Variants in KIAA1755 observed in about 807,000 individuals in gnomAD.
KIAA1755 encodes the protein uncharacterized protein KIAA1755.
Under a neutral mutation model 91.7 loss-of-function variants are expected in KIAA1755, and 68 were observed. The observed-to-expected ratio is 0.74, with a 90% CI of 0.61 to 0.91. The LOEUF is 0.91. KIAA1755 is among the 40% of genes least tolerant of loss of function. The probability of loss-of-function intolerance (pLI) is 0.00; values close to 1 mark genes in which losing one functional copy is unlikely to be tolerated. For missense variants in KIAA1755, 1,535 were observed against 1,494.4 expected (o/e 1.03, Z -0.45); for synonymous variants, 610 against 604.6 (o/e 1.01, Z -0.13).
intron 1 of KIAA1755, 108 bp downstream of exon 1, chr20:38,260,390 T>C (rs2076427509): frequency 1.9e-6 from 3 of 1,602,104 alleles, no homozygotes; most frequent in Non-Finnish European, 2.6e-6. Flanking sequence ...CTGAGGGTCG[T>C]CTCAGTGTAA....
chr20:38,231,655 G>A (rs2075866470), intron 4 of KIAA1755, among the ~76,000 whole-genome samples: 1 of 152,148 alleles, frequency 6.6e-6, no homozygotes, highest in South Asian at 2.1e-4. Flanking sequence ...TGTGTCTGTG[G>A]GCAAGTCAGT....
intron 1 of KIAA1755, 109 bp downstream of exon 1, chr20:38,260,389 G>T (rs1321395733): frequency 6.2e-7 from 1 of 1,601,932 alleles, no homozygotes; most frequent in Admixed American, 1.7e-5. Context: ...ACTGAGGGTC[G>T]TCTCAGTGTA....
intron 4 of KIAA1755, among the ~76,000 whole-genome samples, chr20:38,239,120 G>A (rs191941836): frequency 2.0e-4 from 31 of 152,310 alleles, no homozygotes; most frequent in African/African-American, 7.0e-4. Flanking sequence ...GGCGGGTCAT[G>A]CCCCAGTGCT....
chr20:38,219,735 G>A lies in KIAA1755; in HGVS notation c.2451C>T (p.Ser817=), dbSNP rs756553161. The change falls in exon 11 of 14, where the codon AGC becomes AGT. Residue 817 remains serine, a synonymous_variant. Coordinates refer to ENST00000279024, the MANE Select transcript of KIAA1755 (RefSeq NM_001029864.2). Reference sequence around the variant, plus strand: ...GAACATGAAGCTGCTCGTCCACAAGGCTGTACAAGGCAGTGGCTGCAGCCA... The same window carrying A: ...GAACATGAAGCTGCTCGTCCACAAGACTGTACAAGGCAGTGGCTGCAGCCA... The part of the protein sequence containing the change: ...SHLAAATALY[S]LVDEQLHVLV... 1.9e-6 allele frequency: 3 copies of A among 1,614,184 alleles called. No homozygotes were observed. The highest frequency in any genetic ancestry group is 4.5e-5 in the East Asian group (2 of 44,886).
At position 38,260,307 on chromosome 20, in the gene KIAA1755, G is replaced by C. The variant is rs761695510; in HGVS notation, c.3+191C>G. On this transcript the variant is annotated intron_variant, in intron 1 of 13. Transcript: ENST00000279024. ...ACACATGGAGAAGCCAGGAGAGGAC[G>C]CGGCCAGAGATGGGCTCCTGCCCTT... 6 of 1,551,352 alleles carry C rather than the reference G, an allele frequency of 3.9e-6. No homozygotes were observed. The African/African-American group carries it at 8.2e-5, about 21-fold the overall frequency.
At chr20:38,257,238 T>A (rs184466750) in intron 1 of KIAA1755, among the ~76,000 whole-genome samples, 1 of 152,180 alleles carries the variant, frequency 6.6e-6, no homozygotes. Flanking sequence ...AGTAGGGAAC[T>A]GGGGTGGGGT....
intron 1 of KIAA1755, among the ~76,000 whole-genome samples, chr20:38,247,154 G>A (rs2076173884): frequency 6.6e-6 from 1 of 152,136 alleles, no homozygotes; most frequent in South Asian, 2.1e-4. Context: ...TTTTCCACCA[G>A]GACCCCAGAG....
intron 2 of KIAA1755, among the ~76,000 whole-genome samples, chr20:38,243,207 A>G (rs918117289): frequency 2.5e-4 from 38 of 152,238 alleles, no homozygotes; most frequent in African/African-American, 9.2e-4. Flanking sequence ...AGAGAGTGAG[A>G]CTGAATTTCC....
intron 3 of KIAA1755, among the ~76,000 whole-genome samples, 176 bp from the exon 4 acceptor site, chr20:38,239,901 CT>C (rs1298503172): frequency 6.6e-6 from 1 of 151,970 alleles, no homozygotes; most frequent in Non-Finnish European, 1.5e-5. Flanking sequence ...CCACACCTCA[CT>C]TTTTTTTCTT....
chr20:38,219,473 C>T (rs968557545), intron 11 of KIAA1755, among the ~76,000 whole-genome samples, 157 bp downstream of exon 11: 9 of 152,340 alleles, frequency 5.9e-5, no homozygotes, highest in African/African-American at 1.7e-4. Flanking sequence ...TCATGTGCTA[C>T]GCCCCAAGGA....
intron 9 of KIAA1755, 158 bp from the exon 10 acceptor site, chr20:38,222,755 T>C (rs1443664890): frequency 3.9e-6 from 3 of 772,984 alleles, no homozygotes; most frequent in East Asian, 5.4e-5. Context: ...CCTCTAGCCA[T>C]GTCCCCTCTC....
intron 4 of KIAA1755, among the ~76,000 whole-genome samples, chr20:38,232,629 GAA>G (rs1310300076): frequency 4.2e-5 from 4 of 94,428 alleles, no homozygotes; most frequent in Non-Finnish European, 4.5e-5. Context: ...CTCTGTCTCA[GAA>G]AAAAAAAAAA....
chr20:38,242,886 G>A (rs2076093248), intron 2 of KIAA1755, among the ~76,000 whole-genome samples: 3 of 152,144 alleles, frequency 2.0e-5, no homozygotes, highest in East Asian at 1.9e-4. Flanking sequence ...ATAATAACAC[G>A]AAGGTGAAGC....
chr20:38,213,584 C>T lies in KIAA1755; in HGVS notation c.3061G>A (p.Val1021Met). 6.2e-7 allele frequency: 1 copy of T among 1,607,864 alleles called. No homozygotes were observed. Among genetic ancestry groups the T allele is most frequent in the Non-Finnish European group, 8.5e-7 (1 of 1,176,804 alleles). The change falls in exon 14 of 14, where the codon GTG becomes ATG. Residue 1021 changes from valine (V) to methionine (M), a missense_variant. Val to Met is a conservative substitution (Grantham distance 21). Coordinates refer to ENST00000279024, the MANE Select transcript of KIAA1755 (RefSeq NM_001029864.2). ...AGGCCTGCCCGGCTCAGGGAGGCCACCTGCAGCCCCACGGCTGCGAGCTTC... is the reference window on the plus strand; with the variant it reads ...AGGCCTGCCCGGCTCAGGGAGGCCATCTGCAGCCCCACGGCTGCGAGCTTC... ...AEKLAAVGLQ[V>M]ASLSRAGLGQ... is the part of the protein sequence containing the mutation.
At chr20:38,238,074 G>A (rs1419495332) in intron 4 of KIAA1755, among the ~76,000 whole-genome samples, 2 of 152,018 alleles carry the variant, frequency 1.3e-5, no homozygotes, top group Non-Finnish European at 2.9e-5. Flanking sequence ...TCCTCTCAAG[G>A]AGGCCCAGAG....
chr20:38,246,824 C>A (rs190047800), intron 1 of KIAA1755, among the ~76,000 whole-genome samples: 1 of 152,194 alleles, frequency 6.6e-6, no homozygotes, highest in East Asian at 1.9e-4. Flanking sequence ...TCGGTGATGA[C>A]CCCACCGCCC....
rs561742884 is a variant in KIAA1755 at position 38,241,794 on chromosome 20, C to T, written c.337G>A (p.Glu113Lys). 6.2e-7 allele frequency: 1 copy of T among 1,614,176 alleles called. No homozygotes were observed. The highest frequency in any genetic ancestry group is 1.7e-5 in the Admixed American group (1 of 60,022). Residue 113 changes from glutamate to lysine, a missense_variant, in exon 3 of 14, where the codon GAG becomes AAG. By Grantham distance (56) the Glu-to-Lys change is moderately conservative. Transcript: ENST00000279024. ...ATCATGATGCAGACAGACTGCTCCT[C>T]CTGGGGCTCCACTTGGAGGTAGAAG... ...GDFYLQVEPQEEQSVCIMIKC... is the reference protein window; with the variant it reads ...GDFYLQVEPQKEQSVCIMIKC...
At chr20:38,230,156 A>G (rs1328763372) in intron 5 of KIAA1755, among the ~76,000 whole-genome samples, 1 of 152,150 alleles carries the variant, frequency 6.6e-6, no homozygotes, top group Non-Finnish European at 1.5e-5. Flanking sequence ...CAGCCAGTCC[A>G]TTAAGTCTGA....
chr20:38,225,752 G>A lies in KIAA1755; in HGVS notation c.2082C>T (p.Leu694=). Residue 694 remains leucine, a synonymous_variant, in exon 8 of 14, where the codon CTC becomes CTT. Transcript: ENST00000279024. ...GCTGGCTGGGGTCCACATGGTGGCT[G>A]AGGGCCTTCAATGAGGTCAGCACCT... ...QVEVLTSLKA[L]SHHVDPSQLP... is the part of the protein sequence containing the mutation. The A allele has an allele frequency of 6.3e-7, 1 of 1,596,218 alleles. No homozygotes were observed. The highest frequency in any genetic ancestry group is 8.5e-7 in the Non-Finnish European group (1 of 1,172,286).
Sources: gnomAD v4.1 joint callset for allele counts (sites outside exome capture counted in the v4.1 genomes callset) on GRCh38, gnomAD v4.1.1 for gene constraint, MANE v1.5 for transcripts, NCBI Gene and HGNC (gene_info 2026-07-23, HGNC 2026-07-21) for gene names.